Variants in PID1 observed in about 807,000 individuals in gnomAD.
The protein encoded by PID1 is phosphotyrosine interaction domain containing 1, also known as PTB-containing, cubilin and LRP1-interacting protein.
PID1 carries 10 observed loss-of-function variants against 19.1 expected under a neutral mutation model. The observed-to-expected ratio is 0.52, with a 90% CI of 0.32 to 0.89. The LOEUF (loss-of-function observed/expected upper bound fraction) is 0.89. PID1 is among the 40% of genes least tolerant of loss of function. PID1 has a pLI of 0.03. For synonymous variants in PID1, 130 were observed against 116.0 expected (o/e 1.12, Z -0.78); for missense variants, 248 against 285.3 (o/e 0.87, Z 0.94).
chr2:229,027,870 G>A (rs1693460208), intron 2 of PID1, among the ~76,000 whole-genome samples: 1 of 152,190 alleles, frequency 6.6e-6, no homozygotes, highest in South Asian at 2.1e-4. Flanking sequence ...CGCCCCACAT[G>A]TGGTCTGAGG....
chr2:229,114,151 T>TTCTC (rs1183310607), intron 2 of PID1, among the ~76,000 whole-genome samples: 1 of 127,214 alleles, frequency 7.9e-6, no homozygotes, highest in Non-Finnish European at 1.7e-5. Context: ...CTCTCTCTCT[T>TTCTC]TCTCTCTCTC....
intron 2 of PID1, among the ~76,000 whole-genome samples, chr2:229,094,976 C>G (rs1032898343): frequency 3.3e-5 from 5 of 152,242 alleles, no homozygotes; most frequent in African/African-American, 1.2e-4. Context: ...ATTATCCCCA[C>G]CACACTCTAA....
chr2:229,081,826 G>A lies in PID1; in HGVS notation c.178-55718C>T, dbSNP rs542126755. Among the ~76,000 whole-genome samples the A allele has an allele frequency of 7.6e-4, 116 of 152,330 alleles. 2 individuals carry two copies. Among genetic ancestry groups the A allele is most frequent in the African/African-American group, 2.7e-3 (111 of 41,586 alleles). On this transcript the variant is annotated intron_variant, in intron 2 of 2. Transcript: ENST00000392055. ...TGCATGTTGGCATTTACTGGGAAGT[G>A]CAGCTAAAAGCAGAAGAATTTGCCA...
intron 2 of PID1, among the ~76,000 whole-genome samples, chr2:229,110,521 C>G (rs902752510): frequency 3.9e-5 from 6 of 152,048 alleles, no homozygotes; most frequent in African/African-American, 1.4e-4. Context: ...CTTATGGGGG[C>G]CGAGATTGCA....
chr2:229,190,722 CTCT>C (rs1408901028), intron 1 of PID1, among the ~76,000 whole-genome samples: 1 of 152,160 alleles, frequency 6.6e-6, no homozygotes. Context: ...GGTATATCGG[CTCT>C]TCTTGGGTTT....
intron 1 of PID1, among the ~76,000 whole-genome samples, chr2:229,164,041 T>G (rs1257980627): frequency 2.0e-5 from 3 of 152,188 alleles, no homozygotes; most frequent in Non-Finnish European, 4.4e-5. Context: ...TCCCTCATGG[T>G]TAACAATTAG....
intron 2 of PID1, among the ~76,000 whole-genome samples, chr2:229,078,058 G>T (rs1694596479): frequency 6.6e-6 from 1 of 152,182 alleles, no homozygotes; most frequent in Non-Finnish European, 1.5e-5. Context: ...CCATTTGTTT[G>T]TGTCCTCTCT....
At chr2:229,114,145 C>T (rs1695361198) in intron 2 of PID1, among the ~76,000 whole-genome samples, 2 of 146,872 alleles carry the variant, frequency 1.4e-5, no homozygotes, top group South Asian at 4.7e-4. Flanking sequence ...TTCTCTCTCT[C>T]TCTCTTTCTC....
At chr2:229,156,722 A>G (rs1175560746) in intron 1 of PID1, among the ~76,000 whole-genome samples, 1 of 152,108 alleles carries the variant, frequency 6.6e-6, no homozygotes, top group Non-Finnish European at 1.5e-5. Flanking sequence ...TAATTGTGCC[A>G]TGCCACCTCT....
At chr2:229,032,521 T>A in intron 2 of PID1, among the ~76,000 whole-genome samples, 1 of 152,188 alleles carries the variant, frequency 6.6e-6, no homozygotes, top group South Asian at 2.1e-4. Context: ...CACCAACTTA[T>A]AAAATTGGTC....
intron 2 of PID1, among the ~76,000 whole-genome samples, chr2:229,032,753 C>G (rs1039746411): frequency 6.6e-6 from 1 of 152,326 alleles, no homozygotes; most frequent in Admixed American, 6.5e-5. Flanking sequence ...AAAATGAACA[C>G]TTTCCCCATG....
chr2:229,117,810 C>G (rs1695439471), intron 2 of PID1, among the ~76,000 whole-genome samples: 1 of 152,128 alleles, frequency 6.6e-6, no homozygotes, highest in Non-Finnish European at 1.5e-5. Flanking sequence ...CTTCCACCAT[C>G]TGCCACACTC....
Position 229,059,754 on chromosome 2 carries a change from G to T in PID1, c.178-33646C>A, listed in dbSNP as rs148681140. The stretch of plus-strand genomic sequence containing the variant: ...AAACCAATTGCAAAATCTGTTAAAT[G>T]ACATTTTTACCTCACCTTGCGACAT... On this transcript the variant is annotated intron_variant, in intron 2 of 2. Transcript: ENST00000392055. 2.8e-3 allele frequency among the ~76,000 whole-genome samples: 428 copies of T among 152,232 alleles called. 1 individual carries two copies. Among genetic ancestry groups the T allele is most frequent in the African/African-American group, 0.01 (416 of 41,544 alleles).
At chr2:229,178,616 A>C (rs1312377668) in intron 1 of PID1, among the ~76,000 whole-genome samples, 1 of 149,702 alleles carries the variant, frequency 6.7e-6, no homozygotes, top group South Asian at 2.1e-4. Context: ...AAGCCACAAT[A>C]AAAAAAAAGT....
Position 229,184,238 on chromosome 2 carries a change from A to G in PID1, c.31-28274T>C, listed in dbSNP as rs111214976. Reference sequence around the variant, plus strand: ...TATCCCATATATATATCCCATGTATATATATCCCATATGTATATATCCCAT... The same window carrying G: ...TATCCCATATATATATCCCATGTATGTATATCCCATATGTATATATCCCAT... On this transcript the variant is annotated intron_variant, in intron 1 of 2. Coordinates refer to ENST00000392055, the MANE Select transcript of PID1 (RefSeq NM_001100818.2). Among the ~76,000 whole-genome samples the G allele has an allele frequency of 8.0e-5, 2 of 25,018 alleles. 1 individual carries two copies. The highest frequency in any genetic ancestry group is 1.5e-3 in the South Asian group (2 of 1,346). The allele number at this position is 25,018 out of a possible 152,430, so 16.4% of individuals were successfully genotyped here. A position where few individuals can be genotyped will look rare whatever the true frequency, so the allele number is the denominator to read the frequency against.
intron 2 of PID1, among the ~76,000 whole-genome samples, chr2:229,067,612 C>T (rs1188204915): frequency 2.0e-5 from 3 of 152,162 alleles, no homozygotes; most frequent in African/African-American, 7.2e-5. Context: ...CTGCCTCCAT[C>T]CATACTCCTC....
At chr2:229,244,429 A>C (rs1352163309) in intron 1 of PID1, among the ~76,000 whole-genome samples, 3 of 152,188 alleles carry the variant, frequency 2.0e-5, no homozygotes, top group Non-Finnish European at 4.4e-5. Flanking sequence ...ACTAAGCATG[A>C]CTGTTTTCAT....
chr2:229,255,605 T>A (rs1398188847), intron 1 of PID1, among the ~76,000 whole-genome samples: 1 of 152,200 alleles, frequency 6.6e-6, no homozygotes, highest in South Asian at 2.1e-4. Flanking sequence ...TGTCCTCCAT[T>A]TTTGGAAGTA....
chr2:229,231,722 T>C (rs1264482378), intron 1 of PID1, among the ~76,000 whole-genome samples: 1 of 152,144 alleles, frequency 6.6e-6, no homozygotes, highest in Non-Finnish European at 1.5e-5. Flanking sequence ...TCCCAAACTT[T>C]GGTCAGTTCT....
Sources: gnomAD v4.1 joint callset for allele counts (sites outside exome capture counted in the v4.1 genomes callset) on GRCh38, gnomAD v4.1.1 for gene constraint, MANE v1.5 for transcripts, NCBI Gene and HGNC (gene_info 2026-07-23, HGNC 2026-07-21) for gene names.